The following KDM6A variants were observed in gnomAD, a reference collection of about 807,000 sequenced individuals.
KDM6A encodes lysine demethylase 6A.
In KDM6A, 11 loss-of-function variants were observed where a neutral mutation model predicts 117.6. The ratio of observed to expected loss-of-function variants is 0.09; its 90% CI spans 0.06 to 0.15. KDM6A has a LOEUF of 0.15. Among genes scored for constraint, KDM6A ranks in the 10% least tolerant of loss-of-function variants. The pLI, the probability that KDM6A is intolerant of heterozygous loss-of-function variation, is 1.00. For synonymous variants in KDM6A, 384 were observed against 396.1 expected (o/e 0.97, Z 0.36); for missense variants, 799 against 1,077.3 (o/e 0.74, Z 3.62).
At chrX:45,057,861 A>G (rs1039612653) in intron 10 of KDM6A, among the ~76,000 whole-genome samples, 1 of 111,274 alleles carries the variant, frequency 9.0e-6, no homozygotes, top group African/African-American at 3.3e-5. Context: ...TAAAAACATT[A>G]ACTTTTTTTG....
intron 28 of KDM6A, among the ~76,000 whole-genome samples, chrX:45,109,094 A>G (rs958398784): frequency 9.5e-6 from 1 of 105,387 alleles, no homozygotes; most frequent in Non-Finnish European, 2.0e-5. Flanking sequence ...CAATGTGCAC[A>G]TGTACCCTAA....
intron 2 of KDM6A, among the ~76,000 whole-genome samples, chrX:44,920,948 C>T (rs745905094): frequency 5.9e-5 from 6 of 101,521 alleles, no homozygotes; most frequent in Admixed American, 3.3e-4. Flanking sequence ...GATTTCGGCT[C>T]GCTGCAACCT....
At chrX:44,931,151 G>A (rs920436406) in intron 2 of KDM6A, among the ~76,000 whole-genome samples, 9 of 110,713 alleles carry the variant, frequency 8.1e-5, no homozygotes, top group Non-Finnish European at 1.1e-4. Context: ...TGCAACCTCC[G>A]CCTCCCGGGT....
intron 7 of KDM6A, among the ~76,000 whole-genome samples, chrX:45,036,527 C>G (rs1004935122): frequency 1.8e-5 from 2 of 111,744 alleles, no homozygotes; most frequent in African/African-American, 6.5e-5. Flanking sequence ...AGAATAATAA[C>G]AAATGCAGCA....
intron 6 of KDM6A, among the ~76,000 whole-genome samples, chrX:45,030,819 C>A (rs1438025702): frequency 9.0e-6 from 1 of 111,383 alleles, no homozygotes; most frequent in Middle Eastern, 4.2e-3. Flanking sequence ...AAGCGATTCT[C>A]ATGCCTCAGC....
intron 17 of KDM6A, among the ~76,000 whole-genome samples, chrX:45,067,938 C>G (rs900688846): frequency 3.6e-5 from 4 of 111,076 alleles, no homozygotes; most frequent in African/African-American, 6.6e-5. Context: ...AGGTGTGAGC[C>G]ACTGCGCCTG....
At chrX:45,011,638 T>G (rs1456422858) in intron 5 of KDM6A, among the ~76,000 whole-genome samples, 3 of 112,012 alleles carry the variant, frequency 2.7e-5, no homozygotes, top group Non-Finnish European at 5.6e-5. Flanking sequence ...GACAATAGTA[T>G]GCACTAATGG....
intron 2 of KDM6A, among the ~76,000 whole-genome samples, chrX:44,878,653 G>C (rs2031925613): frequency 9.0e-6 from 1 of 111,226 alleles, no homozygotes; most frequent in Non-Finnish European, 1.9e-5. Context: ...TCAGTAAATA[G>C]TTCTTTCTGT....
At chrX:44,961,056 G>A (rs1768766237) in intron 2 of KDM6A, among the ~76,000 whole-genome samples, 1 of 111,652 alleles carries the variant, frequency 9.0e-6, no homozygotes, top group Admixed American at 9.5e-5. Flanking sequence ...TTGTTTCCAT[G>A]TATAGATGGG....
rs1369519234 is a variant in KDM6A, at chrX:44,873,371, C to T, written c.-181C>T. The T allele has an allele frequency of 6.8e-6, 4 of 589,264 alleles. No individual in the cohort carries two copies. The highest frequency in any genetic ancestry group is 8.4e-5 in the East Asian group (2 of 23,687). The allele number at this position is 589,264 out of a possible 1,213,427, so 48.6% of individuals were successfully genotyped here. On this transcript the variant is annotated 5_prime_UTR_variant, in exon 1 of 30. Transcript: ENST00000611820. The stretch of plus-strand genomic sequence containing the variant: ...CGACCCGGGGGCTCCGCAGCCCCTG[C>T]CGCCGCCGCCGCCGCCTTCACCGCC...
In KDM6A at chrX:45,087,675, C is replaced by G. The variant is rs1010058994; in HGVS notation, c.3704+1696C>G. 2.7e-5 allele frequency among the ~76,000 whole-genome samples: 3 copies of G among 111,945 alleles called. No individual in the cohort carries two copies. The East Asian group carries it at 8.4e-4, about 31-fold the overall frequency. ...ATTGTTGCAGCTATAGTACAGGAAT[C>G]CTTGTTCATTGTTTCTGAGTAGGGA... On this transcript the variant is annotated intron_variant, in intron 25 of 29. Transcript: ENST00000611820.
chrX:45,015,090 CTTTCT>C (rs369410273), intron 5 of KDM6A, among the ~76,000 whole-genome samples: 4,118 of 109,398 alleles, frequency 0.038, 77 homozygotes, highest in Middle Eastern at 0.084. Context: ...CTTCTTTTTT[CTTTCT>C]TTTCTTTTCT....
chrX:44,927,262 C>T (rs1335579407), intron 2 of KDM6A, among the ~76,000 whole-genome samples: 5 of 111,069 alleles, frequency 4.5e-5, no homozygotes, highest in Admixed American at 9.7e-5. Context: ...AGTAGAGACG[C>T]AACCTTCCTT....
At chrX:45,040,114 G>A (rs1259271846) in intron 8 of KDM6A, among the ~76,000 whole-genome samples, 1 of 57,951 alleles carries the variant, frequency 1.7e-5, no homozygotes, top group East Asian at 6.2e-4. Flanking sequence ...TCACCTCCCG[G>A]ATGGGGCGGC....
At chrX:44,981,450 G>C (rs1004222393) in intron 4 of KDM6A, among the ~76,000 whole-genome samples, 7 of 111,601 alleles carry the variant, frequency 6.3e-5, no homozygotes, top group Non-Finnish European at 1.3e-4. Context: ...GCCCTCTCTG[G>C]GCATGTCACC....
intron 2 of KDM6A, among the ~76,000 whole-genome samples, chrX:44,951,143 G>A (rs964587412): frequency 8.9e-6 from 1 of 111,784 alleles, no homozygotes; most frequent in Non-Finnish European, 1.9e-5. Flanking sequence ...GTGCCCCTTT[G>A]TTCAGGTGTG....
At chrX:45,088,211 C>T (rs2045729919) in intron 25 of KDM6A, among the ~76,000 whole-genome samples, 1 of 111,982 alleles carries the variant, frequency 8.9e-6, no homozygotes, top group South Asian at 3.7e-4. Context: ...ATCTACTTGG[C>T]CTTGTCACAC....
intron 2 of KDM6A, among the ~76,000 whole-genome samples, chrX:44,897,666 T>C (rs553096475): frequency 8.9e-6 from 1 of 111,769 alleles, no homozygotes; most frequent in East Asian, 2.8e-4. Flanking sequence ...ACTCCTGGGC[T>C]CAAGTGATTC....
chrX:45,004,011 C>T (rs2041304132), intron 4 of KDM6A, among the ~76,000 whole-genome samples: 1 of 108,905 alleles, frequency 9.2e-6, no homozygotes, highest in Non-Finnish European at 1.9e-5. Flanking sequence ...CCTTTTACCC[C>T]GGAGAGGGAC....
Sources: allele counts gnomAD v4.1 joint callset (sites outside exome capture counted in the v4.1 genomes callset), GRCh38; gene constraint gnomAD v4.1.1; transcripts MANE v1.5; gene names NCBI Gene and HGNC (gene_info 2026-07-23, HGNC 2026-07-21).